CRIM1: variants seen among roughly 807,000 people sequenced by gnomAD.
CRIM1 encodes the protein cysteine-rich motor neuron 1 protein.
In CRIM1, 32 loss-of-function variants were observed where a neutral mutation model predicts 116.4. The observed-to-expected ratio is 0.27, with a 90% CI of 0.21 to 0.37. CRIM1 has a LOEUF of 0.37. CRIM1 is among the 10% of genes least tolerant of loss of function. The pLI is 1.00. For synonymous variants in CRIM1, 590 were observed against 509.2 expected, an observed-to-expected ratio of 1.16 and a Z score of -2.13; for missense variants, 1,331 against 1,354.8, an observed-to-expected ratio of 0.98 and a Z score of 0.28.
At chr2:36,483,603 C>A (rs562844233) in intron 7 of CRIM1, among the ~76,000 whole-genome samples, 44 of 152,312 alleles carry the variant, frequency 2.9e-4, no homozygotes, top group African/African-American at 9.9e-4. Flanking sequence ...TGGACAGTGC[C>A]TCTGCGCTGC....
rs1665093275 is a variant in CRIM1 at position 36,517,316 on chromosome 2, T to C, written c.1991-11T>C. On this transcript the variant is annotated splice_polypyrimidine_tract_variant and intron_variant, in intron 11 of 16. Coordinates refer to ENST00000280527, the MANE Select transcript of CRIM1 (RefSeq NM_016441.3). ...ATGAATAATGTGTTCTGATTTTGTG[T>C]CATTTCCCAGATGACTTTGTGGTGC... is the stretch of plus-strand genomic sequence containing the variant. The C allele has an allele frequency of 6.2e-7, 1 of 1,610,822 alleles. No individual in the cohort carries two copies. Among genetic ancestry groups the C allele is most frequent in the South Asian group, 1.1e-5 (1 of 91,024 alleles).
At chr2:36,418,781 G>C (rs1673823083) in intron 2 of CRIM1, among the ~76,000 whole-genome samples, 1 of 152,182 alleles carries the variant, frequency 6.6e-6, no homozygotes, top group Admixed American at 6.5e-5. Context: ...TTGATCAAAA[G>C]TTTTGTTTCC....
intron 1 of CRIM1, among the ~76,000 whole-genome samples, chr2:36,374,585 T>C (rs116615370): frequency 0.011 from 1,621 of 152,312 alleles, 24 homozygotes; most frequent in African/African-American, 0.038. Flanking sequence ...TTCATTATTA[T>C]GATTTGTCAA....
chr2:36,394,153 T>A (rs1426359721), intron 1 of CRIM1, among the ~76,000 whole-genome samples: 1 of 152,170 alleles, frequency 6.6e-6, no homozygotes, highest in African/African-American at 2.4e-5. Context: ...ACTCAATAAC[T>A]GCACATATTT....
At chr2:36,513,293 A>G in intron 10 of CRIM1, 1 of 448,658 alleles carries the variant, frequency 2.2e-6, no homozygotes, top group Non-Finnish European at 4.0e-6. Flanking sequence ...AAAATATGAG[A>G]AAGTACAGTG....
At chr2:36,469,685 C>A (rs1233495067) in intron 5 of CRIM1, among the ~76,000 whole-genome samples, 1 of 152,146 alleles carries the variant, frequency 6.6e-6, no homozygotes. Context: ...TAAGAACCCA[C>A]TGTCTATATA....
intron 4 of CRIM1, among the ~76,000 whole-genome samples, chr2:36,445,253 C>T (rs1395008609): frequency 6.6e-6 from 1 of 152,180 alleles, no homozygotes; most frequent in Non-Finnish European, 1.5e-5. Flanking sequence ...CAAATCCTTG[C>T]ACTTTTCCCC....
At chr2:36,434,501 A>G (rs754754063) in intron 2 of CRIM1, among the ~76,000 whole-genome samples, 2 of 152,226 alleles carry the variant, frequency 1.3e-5, no homozygotes, top group Non-Finnish European at 2.9e-5. Context: ...GACCTTGGCC[A>G]AGTTTCTTAT....
chr2:36,517,226 C>T (rs1044398885), intron 11 of CRIM1, 101 bp from the exon 12 acceptor site: 8 of 838,568 alleles, frequency 9.5e-6, no homozygotes, highest in African/African-American at 8.3e-5. Flanking sequence ...ATGCTCTTCA[C>T]AGTTCATCTC....
chr2:36,370,776 A>C (rs532239457), intron 1 of CRIM1, among the ~76,000 whole-genome samples: 1 of 152,190 alleles, frequency 6.6e-6, no homozygotes, highest in Non-Finnish European at 1.5e-5. Flanking sequence ...AAGAAGGAAC[A>C]GTGAACTTTT....
At position 36,405,304 on chromosome 2, in the gene CRIM1, C is replaced by A. The variant is rs78638388; in HGVS notation, c.505+8517C>A. On this transcript the variant is annotated intron_variant, in intron 2 of 16. Coordinates refer to ENST00000280527, the MANE Select transcript of CRIM1 (RefSeq NM_016441.3). ...GCAACAGAATTTCCTCTTAATGTTCCTGCCACTAGAACCGCTTCATGGAGA... is the reference window on the plus strand; with the variant it reads ...GCAACAGAATTTCCTCTTAATGTTCATGCCACTAGAACCGCTTCATGGAGA... Among the ~76,000 whole-genome samples the A allele has an allele frequency of 6.7e-3, 1,027 of 152,286 alleles. 12 individuals carry two copies. Among genetic ancestry groups the A allele is most frequent in the African/African-American group, 0.023 (969 of 41,554 alleles).
rs1192535901 is a variant in CRIM1 at position 36,517,450 on chromosome 2, G to A, written c.2114G>A (p.Ser705Asn). ...IDSCTQCTCH[S>N]GRVLCETEVC... is the part of the protein sequence containing the mutation. Reference sequence around the variant, plus strand: ...TCCTGTACTCAGTGCACCTGCCACAGCGGACGGGTGCTGTGTGAGACAGAG... The same window carrying A: ...TCCTGTACTCAGTGCACCTGCCACAACGGACGGGTGCTGTGTGAGACAGAG... The change falls in exon 12 of 17, where the codon AGC (serine) becomes AAC (asparagine). Residue 705 changes from serine to asparagine, a missense_variant. Transcript: ENST00000280527. 1.2e-6 allele frequency: 2 copies of A among 1,614,126 alleles called. No homozygotes were observed. Among genetic ancestry groups the A allele is most frequent in the Non-Finnish European group, 1.7e-6 (2 of 1,180,042 alleles).
intron 7 of CRIM1, among the ~76,000 whole-genome samples, chr2:36,494,116 G>A (rs1405836244): frequency 3.9e-5 from 6 of 152,242 alleles, no homozygotes; most frequent in Admixed American, 2.6e-4. Flanking sequence ...CTGAATAACC[G>A]AATATGTATT....
chr2:36,421,568 A>C (rs1053578598), intron 2 of CRIM1, among the ~76,000 whole-genome samples: 3 of 152,206 alleles, frequency 2.0e-5, no homozygotes, highest in African/African-American at 7.2e-5. Flanking sequence ...GCCCTAGCTT[A>C]CTCAGGGAAA....
intron 5 of CRIM1, among the ~76,000 whole-genome samples, chr2:36,472,254 T>A (rs1678586495): frequency 6.6e-6 from 1 of 152,074 alleles, no homozygotes; most frequent in Admixed American, 6.5e-5. Context: ...TCCACACTGT[T>A]CTGAGATTCA....
intron 7 of CRIM1, among the ~76,000 whole-genome samples, chr2:36,493,571 C>G (rs561196973): frequency 1.3e-5 from 2 of 152,310 alleles, no homozygotes; most frequent in East Asian, 3.9e-4. Flanking sequence ...TACAGAGTCA[C>G]CCACCCATAC....
intron 2 of CRIM1, among the ~76,000 whole-genome samples, chr2:36,416,149 A>G (rs1275182484): frequency 6.6e-6 from 1 of 152,148 alleles, no homozygotes. Context: ...TGGAGGTTAC[A>G]GTGAGCAGAG....
In CRIM1 at chr2:36,484,870, G is replaced by A. The variant is rs17018901; in HGVS notation, c.1372+5176G>A. ...GCCAGTAAAAAAATTCCGTGCTAGCGGTTGGGCAAATGGGTAGTTTCCCCT... is the reference window on the plus strand; with the variant it reads ...GCCAGTAAAAAAATTCCGTGCTAGCAGTTGGGCAAATGGGTAGTTTCCCCT... On this transcript the variant is annotated intron_variant, in intron 7 of 16. Transcript: ENST00000280527. 1.7e-4 allele frequency among the ~76,000 whole-genome samples: 26 copies of A among 152,110 alleles called. 1 individual carries two copies. The highest frequency in any genetic ancestry group is 7.9e-4 in the Admixed American group (12 of 15,274).
At chr2:36,380,044 G>A (rs1005447437) in intron 1 of CRIM1, among the ~76,000 whole-genome samples, 5 of 152,092 alleles carry the variant, frequency 3.3e-5, no homozygotes, top group Admixed American at 3.3e-4. Flanking sequence ...TGCTTCTTAT[G>A]ACTCTGATGC....
Sources: gnomAD v4.1 joint callset for allele counts (sites outside exome capture counted in the v4.1 genomes callset) on GRCh38, gnomAD v4.1.1 for gene constraint, MANE v1.5 for transcripts, NCBI Gene and HGNC (gene_info 2026-07-23, HGNC 2026-07-21) for gene names.